Variants in ITGAV observed in about 807,000 individuals in gnomAD.
The protein encoded by ITGAV is integrin alpha-V.
ITGAV carries 76 observed loss-of-function variants against 143.8 expected under a neutral mutation model. The observed-to-expected ratio is 0.53, with a 90% CI of 0.44 to 0.64. ITGAV has a LOEUF of 0.64. ITGAV is among the 30% of genes least tolerant of loss of function. The pLI is 0.00. For missense variants in ITGAV, 1,193 were observed against 1,274.7 expected (o/e 0.94, Z 0.98); for synonymous variants, 453 against 446.7 (o/e 1.01, Z -0.18).
intron 17 of ITGAV, among the ~76,000 whole-genome samples, chr2:186,656,937 T>C (rs1167129062): frequency 6.6e-6 from 1 of 151,826 alleles, no homozygotes; most frequent in African/African-American, 2.4e-5. Context: ...CAATCCAGTA[T>C]GGGCCCCAGG....
At chr2:186,637,344 C>T (rs921922887) in intron 8 of ITGAV, among the ~76,000 whole-genome samples, 13 of 151,584 alleles carry the variant, frequency 8.6e-5, no homozygotes, top group Non-Finnish European at 1.5e-4. Flanking sequence ...TAGCCGGGCG[C>T]GGTGATGCAC....
At chr2:186,650,026 G>T in intron 14 of ITGAV, 141 bp downstream of exon 14, 1 of 557,710 alleles carries the variant, frequency 1.8e-6, no homozygotes, top group Non-Finnish European at 3.1e-6. Flanking sequence ...GATTTGCTAT[G>T]GGCAAATAGT....
chr2:186,590,169 C>G lies in ITGAV; in HGVS notation c.-170C>G. On this transcript the variant is annotated 5_prime_UTR_variant, in exon 1 of 30. Coordinates refer to ENST00000261023, the MANE Select transcript of ITGAV (RefSeq NM_002210.5). The stretch of plus-strand genomic sequence containing the variant: ...GCGCCCCTCGTCCCTGGCGGTCGCT[C>G]CGAAGCTCAGCCCTCTTGCCTGCCC... 1 of 501,480 alleles carries G rather than the reference C, an allele frequency of 2.0e-6. No individual in the cohort carries two copies. The highest frequency in any genetic ancestry group is 3.2e-6 in the Non-Finnish European group (1 of 310,698). The allele number at this position is 501,480 out of a possible 1,614,324, so 31.1% of individuals were successfully genotyped here.
intron 26 of ITGAV, among the ~76,000 whole-genome samples, chr2:186,673,016 C>T (rs1429843760): frequency 6.6e-6 from 1 of 152,104 alleles, no homozygotes; most frequent in East Asian, 1.9e-4. Context: ...AGATTCATAC[C>T]TAGGCTTTTT....
Position 186,664,763 on chromosome 2 carries a change from C to A in ITGAV, c.2073+122C>A, listed in dbSNP as rs1302756000. The A allele has an allele frequency of 7.0e-6, 8 of 1,134,800 alleles. No individual in the cohort carries two copies. The East Asian group carries it at 1.9e-4, about 27-fold the overall frequency. 70.3% of individuals were successfully genotyped at this position (1,134,800 alleles called of 1,614,324 possible). ...TTCTACCTAAGGCTAAATTGATAGACAATGGAGTGCCTATCTTACATAATT... is the reference window on the plus strand; with the variant it reads ...TTCTACCTAAGGCTAAATTGATAGAAAATGGAGTGCCTATCTTACATAATT... On this transcript the variant is annotated intron_variant, in intron 20 of 29. Coordinates refer to ENST00000261023, the MANE Select transcript of ITGAV (RefSeq NM_002210.5).
chr2:186,641,535 G>A lies in ITGAV; in HGVS notation c.1106G>A (p.Arg369Gln), dbSNP rs758051628. 5.6e-6 allele frequency: 9 copies of A among 1,614,140 alleles called. No homozygotes were observed. The highest frequency in any genetic ancestry group is 3.3e-5 in the Admixed American group (2 of 60,026). The change falls in exon 12 of 30, where the codon CGG becomes CAG. Residue 369 changes from arginine (R) to glutamine (Q), a missense_variant. Physicochemically the swap from Arg to Gln is conservative, Grantham distance 43. Transcript: ENST00000261023. ...CTGAATGGATTTGAGGTCTTTGCAC[G>A]GTTTGGCAGTGCCATAGCTCCTTTG... Reference protein sequence around the residue: ...TKLNGFEVFARFGSAIAPLGD... With the variant: ...TKLNGFEVFAQFGSAIAPLGD...
At chr2:186,630,719 T>G in intron 4 of ITGAV, 78 bp from the exon 5 acceptor site, 1 of 774,100 alleles carries the variant, frequency 1.3e-6, no homozygotes. Context: ...ATGATTCTAG[T>G]GATATCAGAT....
intron 2 of ITGAV, among the ~76,000 whole-genome samples, chr2:186,621,775 G>T (rs1687532064): frequency 6.6e-6 from 1 of 152,100 alleles, no homozygotes; most frequent in Middle Eastern, 3.2e-3. Flanking sequence ...TTAGTGTACA[G>T]AAATAATTTT....
At chr2:186,673,843 A>AT (rs1689133001) in intron 26 of ITGAV, among the ~76,000 whole-genome samples, 1 of 151,194 alleles carries the variant, frequency 6.6e-6, no homozygotes, top group Non-Finnish European at 1.5e-5. Flanking sequence ...AATTTTTTGT[A>AT]TTTTTTTAGT....
intron 2 of ITGAV, among the ~76,000 whole-genome samples, chr2:186,605,528 A>G (rs1302524439): frequency 1.3e-5 from 2 of 151,834 alleles, no homozygotes; most frequent in Non-Finnish European, 2.9e-5. Flanking sequence ...CATGTTATTT[A>G]TTTGTTTTTA....
Position 186,640,814 on chromosome 2 carries a change from A to G in ITGAV, c.904-101A>G, listed in dbSNP as rs1018767450. 9.1e-6 allele frequency: 8 copies of G among 882,040 alleles called. No homozygotes were observed. In the Admixed American group the frequency reaches 2.0e-4, roughly 22 times the overall value. The allele number at this position is 882,040 out of a possible 1,614,324, so 54.6% of individuals were successfully genotyped here. ...ACATTTAGATTGAAGCACTATATGC[A>G]GAGAAAAAAAATAACCCTATTTGGT... is the stretch of plus-strand genomic sequence containing the variant. On this transcript the variant is annotated intron_variant, in intron 10 of 29. Transcript: ENST00000261023.
chr2:186,631,600 A>G (rs1319260253), intron 5 of ITGAV, among the ~76,000 whole-genome samples: 2 of 152,206 alleles, frequency 1.3e-5, no homozygotes, highest in South Asian at 2.1e-4. Context: ...TTGATGGATT[A>G]TATGTAGACC....
chr2:186,620,131 T>A (rs932658030), intron 2 of ITGAV, among the ~76,000 whole-genome samples: 22 of 152,226 alleles, frequency 1.4e-4, no homozygotes, highest in Non-Finnish European at 4.4e-5. Context: ...CACAAGGTTT[T>A]CTTTTGGCCC....
At position 186,666,803 on chromosome 2, in the gene ITGAV, T is replaced by C; in HGVS notation, c.2246+20T>C. ...CCAAAGGTATGAAAACAACTTATATTCACTTATAACTATCAAATAAATATT... is the reference window on the plus strand; with the variant it reads ...CCAAAGGTATGAAAACAACTTATATCCACTTATAACTATCAAATAAATATT... On this transcript the variant is annotated intron_variant, in intron 22 of 29. Coordinates refer to ENST00000261023, the MANE Select transcript of ITGAV (RefSeq NM_002210.5). The C allele has an allele frequency of 1.5e-6, 2 of 1,312,666 alleles. No individual in the cohort carries two copies. The highest frequency in any genetic ancestry group is 2.1e-6 in the Non-Finnish European group (2 of 934,224). 81.3% of individuals were successfully genotyped at this position (1,312,666 alleles called of 1,614,324 possible).
intron 1 of ITGAV, among the ~76,000 whole-genome samples, chr2:186,594,907 G>A (rs1171335939): frequency 6.6e-6 from 1 of 152,032 alleles, no homozygotes; most frequent in Non-Finnish European, 1.5e-5. Flanking sequence ...CTATAATTTT[G>A]TTATTTAGAA....
chr2:186,611,191 A>G (rs1007054771), intron 2 of ITGAV, among the ~76,000 whole-genome samples: 1 of 152,140 alleles, frequency 6.6e-6, no homozygotes, highest in Non-Finnish European at 1.5e-5. Context: ...CCTTGTGATT[A>G]TAATGAGTCC....
intron 22 of ITGAV, 136 bp downstream of exon 22, chr2:186,666,919 TTA>T (rs1688914175): frequency 7.1e-6 from 4 of 567,314 alleles, no homozygotes; most frequent in Non-Finnish European, 1.2e-5. Context: ...AAATCAATAT[TTA>T]CATTATAAGA....
chr2:186,633,275 TGA>T, intron 5 of ITGAV, 52 bp from the exon 6 acceptor site: 1 of 1,091,918 alleles, frequency 9.2e-7, no homozygotes, highest in Non-Finnish European at 1.4e-6. Flanking sequence ...ATTTCTATTT[TGA>T]GAGATATTTG....
chr2:186,639,260 G>A (rs1323076019), intron 10 of ITGAV, among the ~76,000 whole-genome samples: 1 of 152,140 alleles, frequency 6.6e-6, no homozygotes, highest in Non-Finnish European at 1.5e-5. Context: ...TTAAACAGTA[G>A]GTAGAGAAAA....
Sources: allele counts gnomAD v4.1 joint callset (sites outside exome capture counted in the v4.1 genomes callset), GRCh38; gene constraint gnomAD v4.1.1; transcripts MANE v1.5; gene names NCBI Gene and HGNC (gene_info 2026-07-23, HGNC 2026-07-21).